Variants in FHIT observed in about 807,000 individuals in gnomAD.
The protein encoded by FHIT is fragile histidine triad diadenosine triphosphatase.
A neutral mutation model predicts 17.9 loss-of-function variants in FHIT; 19 were observed. The ratio of observed to expected loss-of-function variants is 1.06; its 90% confidence interval spans 0.74 to 1.56. FHIT has a LOEUF of 1.56. FHIT is among the 40% of genes most tolerant of loss of function. The pLI is 0.00. For synonymous variants in FHIT, 81 were observed against 69.7 expected, an observed-to-expected ratio of 1.16 and a Z score of -0.81; for missense variants, 248 against 189.2, an observed-to-expected ratio of 1.31 and a Z score of -1.82.
intron 7 of FHIT, among the ~76,000 whole-genome samples, chr3:59,972,504 C>A (rs1337813368): frequency 6.6e-6 from 1 of 152,078 alleles, no homozygotes; most frequent in Non-Finnish European, 1.5e-5. Context: ...AAGCCTCCAG[C>A]CTAAACCTCT....
At chr3:60,616,478 A>G (rs2038954227) in intron 4 of FHIT, among the ~76,000 whole-genome samples, 1 of 152,184 alleles carries the variant, frequency 6.6e-6, no homozygotes, top group East Asian at 1.9e-4. Flanking sequence ...ACTAATAAGC[A>G]ATCATAGCAA....
chr3:59,875,256 T>C (rs552073592), intron 8 of FHIT, among the ~76,000 whole-genome samples: 8 of 152,330 alleles, frequency 5.3e-5, no homozygotes, highest in African/African-American at 1.7e-4. Flanking sequence ...GAAAGCAATC[T>C]ACACGCTGGT....
chr3:60,361,697 CAGAG>C (rs762108441), intron 5 of FHIT, among the ~76,000 whole-genome samples: 8 of 152,110 alleles, frequency 5.3e-5, no homozygotes, highest in African/African-American at 1.7e-4. Context: ...CCCCACTGGC[CAGAG>C]AGAGAGACAG....
chr3:60,402,723 T>G (rs1395386897), intron 5 of FHIT, among the ~76,000 whole-genome samples: 1 of 152,316 alleles, frequency 6.6e-6, no homozygotes, highest in African/African-American at 2.4e-5. Flanking sequence ...CTGGACTATT[T>G]TGGACTAAAA....
chr3:59,826,348 C>T (rs887353407), intron 8 of FHIT, among the ~76,000 whole-genome samples: 1 of 152,130 alleles, frequency 6.6e-6, no homozygotes, highest in Non-Finnish European at 1.5e-5. Context: ...TAATATAGTT[C>T]CCTTTTCCAG....
chr3:60,158,610 C>A (rs1210547607), intron 5 of FHIT, among the ~76,000 whole-genome samples: 2 of 152,262 alleles, frequency 1.3e-5, no homozygotes, highest in Non-Finnish European at 2.9e-5. Context: ...CCGCGCCCGG[C>A]CTCATACTTT....
chr3:59,945,152 C>T (rs1162591937), intron 7 of FHIT, among the ~76,000 whole-genome samples: 2 of 152,156 alleles, frequency 1.3e-5, no homozygotes, highest in African/African-American at 4.8e-5. Flanking sequence ...AGTGTATAAG[C>T]AGTCCCCTTC....
Position 59,757,504 on chromosome 3 carries a change from A to G in FHIT, c.349-5183T>C, listed in dbSNP as rs541689607. On this transcript the variant is annotated intron_variant, in intron 8 of 9. Coordinates refer to ENST00000492590, the MANE Select transcript of FHIT (RefSeq NM_002012.4). ...GGGGTAATGATGAATTCCCTGCTGT[A>G]TTGCTCAAACCGCCTTTGCTATTGA... 1.4e-4 allele frequency among the ~76,000 whole-genome samples: 21 copies of G among 152,256 alleles called. No homozygotes were observed. In the South Asian group the frequency reaches 4.4e-3, roughly 32 times the overall value.
intron 5 of FHIT, among the ~76,000 whole-genome samples, chr3:60,406,073 G>A (rs550862154): frequency 6.6e-6 from 1 of 152,168 alleles, no homozygotes; most frequent in African/African-American, 2.4e-5. Flanking sequence ...AAAGCCGCAT[G>A]TCTGCACATA....
intron 4 of FHIT, among the ~76,000 whole-genome samples, chr3:60,793,076 C>T (rs61474493): frequency 0.12 from 18,776 of 152,036 alleles, 1,610 homozygotes; most frequent in African/African-American, 0.24. Context: ...ACAGGAATGT[C>T]CAGTGGAAGA....
chr3:60,593,819 C>T (rs2038171816), intron 4 of FHIT, among the ~76,000 whole-genome samples: 1 of 152,068 alleles, frequency 6.6e-6, no homozygotes, highest in African/African-American at 2.4e-5. Context: ...AAACATTTCT[C>T]CCCTGCCACA....
intron 3 of FHIT, among the ~76,000 whole-genome samples, chr3:60,893,243 A>G (rs1705607755): frequency 6.6e-6 from 1 of 152,184 alleles, no homozygotes. Flanking sequence ...TACTACACTT[A>G]GTTCATATGC....
At chr3:60,225,276 A>C (rs1342862505) in intron 5 of FHIT, among the ~76,000 whole-genome samples, 1 of 152,182 alleles carries the variant, frequency 6.6e-6, no homozygotes, top group Non-Finnish European at 1.5e-5. Flanking sequence ...GGTTAACTAC[A>C]TGCTGACCAA....
At chr3:60,226,448 G>A (rs955316019) in intron 5 of FHIT, among the ~76,000 whole-genome samples, 3 of 131,664 alleles carry the variant, frequency 2.3e-5, no homozygotes, top group African/African-American at 9.2e-5. Context: ...CTCCAGCCTG[G>A]GCAACAAGAG....
chr3:60,111,263 T>C (rs1397177949), intron 5 of FHIT, among the ~76,000 whole-genome samples: 1 of 152,224 alleles, frequency 6.6e-6, no homozygotes, highest in African/African-American at 2.4e-5. Context: ...TACCCGTATA[T>C]AAGGATACAG....
chr3:60,414,016 G>A (rs1702157198), intron 5 of FHIT, among the ~76,000 whole-genome samples: 1 of 152,182 alleles, frequency 6.6e-6, no homozygotes, highest in Non-Finnish European at 1.5e-5. Flanking sequence ...TACAAATTGT[G>A]ATAGAATATG....
intron 5 of FHIT, among the ~76,000 whole-genome samples, chr3:60,232,006 T>C (rs1243471034): frequency 4.6e-5 from 7 of 152,050 alleles, no homozygotes; most frequent in Non-Finnish European, 2.9e-5. Flanking sequence ...TGAGCAACAA[T>C]CATCCATTAA....
At chr3:61,031,319 G>A (rs545398899) in intron 3 of FHIT, among the ~76,000 whole-genome samples, 31 of 151,982 alleles carry the variant, frequency 2.0e-4, no homozygotes, top group Non-Finnish European at 3.8e-4. Context: ...AGAGTCACAA[G>A]GTCTTACAGG....
chr3:59,819,793 A>G (rs1038587446), intron 8 of FHIT, among the ~76,000 whole-genome samples: 7 of 152,248 alleles, frequency 4.6e-5, no homozygotes, highest in African/African-American at 1.7e-4. Flanking sequence ...GTTGGAACTT[A>G]AGACCCAATG....
Sources: gnomAD v4.1 joint callset for allele counts (sites outside exome capture counted in the v4.1 genomes callset) on GRCh38, gnomAD v4.1.1 for gene constraint, MANE v1.5 for transcripts, NCBI Gene and HGNC (gene_info 2026-07-23, HGNC 2026-07-21) for gene names.